Variants in MPP7 observed in about 807,000 individuals in gnomAD.
MPP7 encodes MAGUK p55 scaffold protein 7.
A neutral mutation model predicts 76.5 loss-of-function variants in MPP7; 60 were observed. The observed-to-expected ratio is 0.78, with a 90% CI of 0.64 to 0.97. The LOEUF is 0.97. Ranked by LOEUF, MPP7 falls within the 50% of genes least tolerant of loss-of-function variation. The pLI, the probability that MPP7 is intolerant of heterozygous loss-of-function variation, is 0.00. For synonymous variants in MPP7, 237 were observed against 244.5 expected (o/e 0.97, Z 0.29); for missense variants, 641 against 694.0 (o/e 0.92, Z 0.86).
At chr10:28,147,367 T>TGTGC in intron 5 of MPP7, 116 bp downstream of exon 5, 1 of 760,004 alleles carries the variant, frequency 1.3e-6, no homozygotes, top group Non-Finnish European at 2.3e-6. Context: ...ATTAAAATAC[T>TGTGC]GTGCCCTATT....
chr10:28,293,239 A>G (rs1404529052), intron 1 of MPP7, among the ~76,000 whole-genome samples: 1 of 152,192 alleles, frequency 6.6e-6, no homozygotes, highest in Non-Finnish European at 1.5e-5. Flanking sequence ...GCTAACAGAA[A>G]AAGAGGCAAA....
chr10:28,105,496 T>C (rs891076712), intron 11 of MPP7, among the ~76,000 whole-genome samples: 1 of 152,144 alleles, frequency 6.6e-6, no homozygotes, highest in South Asian at 2.1e-4. Flanking sequence ...GAATCAGTTA[T>C]AATGCAGCTC....
At chr10:28,288,677 C>T (rs184522027) in intron 1 of MPP7, among the ~76,000 whole-genome samples, 17 of 152,256 alleles carry the variant, frequency 1.1e-4, no homozygotes, top group African/African-American at 3.4e-4. Flanking sequence ...GAGCGTGAAG[C>T]GGTACTGAAA....
intron 2 of MPP7, among the ~76,000 whole-genome samples, chr10:28,212,751 G>A (rs1838182651): frequency 1.3e-5 from 2 of 152,188 alleles, no homozygotes; most frequent in African/African-American, 4.8e-5. Context: ...AAGGAAGAAT[G>A]AACCATCCAC....
intron 2 of MPP7, among the ~76,000 whole-genome samples, chr10:28,319,181 G>A (rs1016252699): frequency 6.6e-6 from 1 of 152,154 alleles, no homozygotes; most frequent in African/African-American, 2.4e-5. Flanking sequence ...GAGGAAGAGG[G>A]TGAAGGGGTA....
chr10:28,245,274 C>G (rs1274345191), intron 1 of MPP7, among the ~76,000 whole-genome samples: 1 of 152,132 alleles, frequency 6.6e-6, no homozygotes, highest in Non-Finnish European at 1.5e-5. Context: ...TCCCTTAAGT[C>G]CTCTCTACCG....
At chr10:28,271,956 C>T (rs1840339665) in intron 1 of MPP7, among the ~76,000 whole-genome samples, 1 of 152,124 alleles carries the variant, frequency 6.6e-6, no homozygotes, top group Non-Finnish European at 1.5e-5. Flanking sequence ...GCCCGGGTGA[C>T]AGAGCGAGAC....
intron 3 of MPP7, among the ~76,000 whole-genome samples, chr10:28,162,287 A>G (rs1348204683): frequency 6.6e-6 from 1 of 152,202 alleles, no homozygotes; most frequent in Non-Finnish European, 1.5e-5. Flanking sequence ...AACTGAGCCC[A>G]CGAATTGATC....
chr10:28,283,358 A>C lies in MPP7; in HGVS notation c.-132+19503T>G, dbSNP rs141008409. 3.4e-3 allele frequency among the ~76,000 whole-genome samples: 523 copies of C among 152,034 alleles called. 2 individuals are homozygous for C. Among genetic ancestry groups the C allele is most frequent in the Non-Finnish European group, 4.4e-3 (297 of 68,002 alleles). On this transcript the variant is annotated intron_variant, in intron 1 of 16. Coordinates refer to ENST00000683449, the MANE Select transcript of MPP7 (RefSeq NM_001318170.2). ...AACTTCTCCCTGACTCCATTTTTCT[A>C]CTTGTAAATGTAAATGGAATACTCA... is the stretch of plus-strand genomic sequence containing the variant.
rs117990080 is a variant in MPP7 at position 28,088,662 on chromosome 10, C to T, written c.1123+1009G>A. Among the ~76,000 whole-genome samples the T allele has an allele frequency of 1.6e-3, 239 of 152,278 alleles. 10 individuals are homozygous for T. In the East Asian group the frequency reaches 0.029, roughly 18 times the overall value. On this transcript the variant is annotated intron_variant, in intron 12 of 16. Coordinates refer to ENST00000683449, the MANE Select transcript of MPP7 (RefSeq NM_001318170.2). ...TGTACTAACACTAAGAGACACCATG[C>T]TCTTCTACTCCAAAACTTTTCTAAA...
intron 3 of MPP7, among the ~76,000 whole-genome samples, chr10:28,201,890 GCTA>G (rs1837784054): frequency 6.6e-6 from 1 of 152,132 alleles, no homozygotes; most frequent in African/African-American, 2.4e-5. Context: ...AAACCTTCCT[GCTA>G]CTATTTCATA....
chr10:28,147,547 T>G lies in MPP7; in HGVS notation c.251A>C (p.Gln84Pro). 6 of 1,614,088 alleles carry G rather than the reference T, an allele frequency of 3.7e-6. No individual in the cohort carries two copies. Among genetic ancestry groups the G allele is most frequent in the Non-Finnish European group, 5.1e-6 (6 of 1,179,932 alleles). ...ALADDLAEEL[Q>P]NKPLNSEIRE... ...GATCTCACTGTTTAATGGCTTGTTC[T>G]GAAGCTCTTCGGCCAGCTGCAACGG... The change falls in exon 5 of 17, where the codon CAG becomes CCG. Residue 84 changes from glutamine (Q) to proline (P), a missense_variant. Gln to Pro is a moderately conservative substitution (Grantham distance 76). Coordinates refer to ENST00000683449, the MANE Select transcript of MPP7 (RefSeq NM_001318170.2).
chr10:28,204,993 A>T (rs1489476260), intron 2 of MPP7, among the ~76,000 whole-genome samples: 1 of 152,176 alleles, frequency 6.6e-6, no homozygotes, highest in Non-Finnish European at 1.5e-5. Flanking sequence ...ATAAAAAATA[A>T]TTTTTCTGTT....
At chr10:28,231,764 C>T (rs1838892423) in intron 2 of MPP7, among the ~76,000 whole-genome samples, 1 of 152,026 alleles carries the variant, frequency 6.6e-6, no homozygotes, top group Non-Finnish European at 1.5e-5. Context: ...AAAGAAAATT[C>T]CCAGGCACAG....
intron 2 of MPP7, among the ~76,000 whole-genome samples, chr10:28,235,670 A>T (rs1236298993): frequency 6.6e-6 from 1 of 152,230 alleles, no homozygotes; most frequent in Non-Finnish European, 1.5e-5. Flanking sequence ...AATCTTTAAG[A>T]TAACTATTAA....
intron 12 of MPP7, among the ~76,000 whole-genome samples, chr10:28,081,870 A>G (rs1156439065): frequency 1.3e-5 from 2 of 151,422 alleles, no homozygotes; most frequent in Non-Finnish European, 1.5e-5. Flanking sequence ...CTCCTGCCTC[A>G]GACTCCTAAA....
chr10:28,320,665 A>G (rs550557400), intron 2 of MPP7, among the ~76,000 whole-genome samples: 50 of 152,248 alleles, frequency 3.3e-4, no homozygotes, highest in South Asian at 1.5e-3. Context: ...TTTGCTTGAC[A>G]TAACTCTTCA....
At chr10:28,292,848 ATG>A (rs1840951521) in intron 1 of MPP7, among the ~76,000 whole-genome samples, 1 of 152,118 alleles carries the variant, frequency 6.6e-6, no homozygotes, top group Non-Finnish European at 1.5e-5. Context: ...GAGAGAGAGA[ATG>A]TGTGTGTCTG....
intron 13 of MPP7, among the ~76,000 whole-genome samples, chr10:28,067,306 G>T (rs1213947662): frequency 6.6e-6 from 1 of 152,096 alleles, no homozygotes; most frequent in East Asian, 1.9e-4. Context: ...TCAAGATTCT[G>T]CCCAAAGTAT....
Sources: gnomAD v4.1 joint callset for allele counts (sites outside exome capture counted in the v4.1 genomes callset) on GRCh38, gnomAD v4.1.1 for gene constraint, MANE v1.5 for transcripts, NCBI Gene and HGNC (gene_info 2026-07-23, HGNC 2026-07-21) for gene names.